Variants in SCN8A observed in about 807,000 individuals in gnomAD.
SCN8A encodes sodium voltage-gated channel alpha subunit 8.
In SCN8A, 30 loss-of-function variants were observed where a neutral mutation model predicts 184.1. The ratio of observed to expected loss-of-function variants is 0.16; its 90% CI spans 0.12 to 0.22. The LOEUF is 0.22. Among genes scored for constraint, SCN8A ranks in the 10% least tolerant of loss-of-function variants. The probability of loss-of-function intolerance (pLI) is 1.00; values close to 1 mark genes in which losing one functional copy is unlikely to be tolerated. For synonymous variants in SCN8A, 852 were observed against 907.0 expected (o/e 0.94, Z 1.09); for missense variants, 1,057 against 2,498.9 (o/e 0.42, Z 12.30).
intron 12 of SCN8A, among the ~76,000 whole-genome samples, chr12:51,726,096 A>G (rs1488673423): frequency 1.3e-5 from 2 of 152,240 alleles, no homozygotes; most frequent in East Asian, 1.9e-4. Context: ...CATTAGTCTC[A>G]TCAAAAATTA....
chr12:51,664,922 C>T (rs770079491), intron 2 of SCN8A, among the ~76,000 whole-genome samples: 2 of 152,096 alleles, frequency 1.3e-5, no homozygotes, highest in Admixed American at 6.5e-5. Context: ...GTGTTGATCC[C>T]TCCCATGTGT....
At position 51,809,569 on chromosome 12, in the gene SCN8A, G is replaced by A. The variant is rs991191632; in HGVS notation, c.*2140G>A. On this transcript the variant is annotated 3_prime_UTR_variant, in exon 27 of 27. Coordinates refer to ENST00000627620, the MANE Select transcript of SCN8A (RefSeq NM_001330260.2). Reference sequence around the variant, plus strand: ...TGTACTACACCCAATACCAGACTGGGAAGGCCTATCTTTCAGTGACCCTGC... The same window carrying A: ...TGTACTACACCCAATACCAGACTGGAAAGGCCTATCTTTCAGTGACCCTGC... The A allele has an allele frequency of 4.6e-5, 7 of 152,234 alleles. No homozygotes were observed. Among genetic ancestry groups the A allele is most frequent in the Admixed American group, 2.6e-4 (4 of 15,290 alleles). 9.4% of individuals were successfully genotyped at this position (152,234 alleles called of 1,614,324 possible).
chr12:51,728,731 CAA>C (rs10560307), intron 12 of SCN8A, among the ~76,000 whole-genome samples: 15 of 140,506 alleles, frequency 1.1e-4, no homozygotes, highest in African/African-American at 3.7e-4. Context: ...CCCTGTTTCC[CAA>C]AAAAAAAAAA....
rs534195726 is a variant in SCN8A at position 51,680,833 on chromosome 12, C to T, written c.277-3341C>T. Among the ~76,000 whole-genome samples, 116 of 152,144 alleles carry T rather than the reference C, an allele frequency of 7.6e-4. 1 individual carries two copies. The highest frequency in any genetic ancestry group is 2.3e-3 in the South Asian group (11 of 4,812). Reference sequence around the variant, plus strand: ...CCTGGCCAACATGGTGAAACCCTGTCTCTACTAAAAATACAAAAAAATTAG... The same window carrying T: ...CCTGGCCAACATGGTGAAACCCTGTTTCTACTAAAAATACAAAAAAATTAG... On this transcript the variant is annotated intron_variant, in intron 2 of 26. Coordinates refer to ENST00000627620, the MANE Select transcript of SCN8A (RefSeq NM_001330260.2).
chr12:51,614,220 A>G (rs1482493730), intron 1 of SCN8A, among the ~76,000 whole-genome samples: 1 of 151,972 alleles, frequency 6.6e-6, no homozygotes, highest in African/African-American at 2.4e-5. Flanking sequence ...TGTCCATTTT[A>G]TCCTTAGTTT....
At chr12:51,653,463 A>AT (rs1379286428) in intron 1 of SCN8A, among the ~76,000 whole-genome samples, 2 of 152,040 alleles carry the variant, frequency 1.3e-5, no homozygotes, top group Admixed American at 1.3e-4. Flanking sequence ...TTCACCTAGC[A>AT]TTTTTTCAAG....
intron 11 of SCN8A, among the ~76,000 whole-genome samples, chr12:51,710,422 T>A (rs1941855075): frequency 6.6e-6 from 1 of 152,188 alleles, no homozygotes; most frequent in Non-Finnish European, 1.5e-5. Flanking sequence ...CCCAGCACTT[T>A]GGGAGGCCAA....
chr12:51,629,571 C>T (rs1231200522), intron 1 of SCN8A, among the ~76,000 whole-genome samples: 2 of 107,148 alleles, frequency 1.9e-5, no homozygotes, highest in East Asian at 2.8e-4. Context: ...GTGAATTCTG[C>T]ATCAGTTTTG....
intron 7 of SCN8A, among the ~76,000 whole-genome samples, chr12:51,700,386 A>G (rs757172791): frequency 3.3e-5 from 5 of 152,066 alleles, no homozygotes; most frequent in Non-Finnish European, 5.9e-5. Flanking sequence ...TTTTTTCCCT[A>G]GCTGAGTTAC....
chr12:51,753,882 G>A lies in SCN8A; in HGVS notation c.2370+2289G>A, dbSNP rs9971680. ...AGGCTTTGACTGAACCTGAGAATAAGAGGATGGAAAAAAAATGAGACTGAC... is the reference window on the plus strand; with the variant it reads ...AGGCTTTGACTGAACCTGAGAATAAAAGGATGGAAAAAAAATGAGACTGAC... On this transcript the variant is annotated intron_variant, in intron 14 of 26. Transcript: ENST00000627620. 6.4e-3 allele frequency among the ~76,000 whole-genome samples: 970 copies of A among 152,276 alleles called. 10 individuals are homozygous for A. The highest frequency in any genetic ancestry group is 0.031 in the Middle Eastern group (9 of 294).
chr12:51,762,393 A>T, intron 14 of SCN8A, 110 bp from the exon 15 acceptor site: 1 of 1,024,804 alleles, frequency 9.8e-7, no homozygotes, highest in Non-Finnish European at 1.4e-6. Context: ...TGCAGAATTT[A>T]ACTAAGGTTA....
intron 2 of SCN8A, among the ~76,000 whole-genome samples, chr12:51,666,413 T>C (rs1414737517): frequency 2.0e-5 from 3 of 152,198 alleles, no homozygotes; most frequent in Non-Finnish European, 4.4e-5. Context: ...CTTAACCCCT[T>C]CACTTCTTGC....
chr12:51,650,143 C>A (rs1270231793), intron 1 of SCN8A, among the ~76,000 whole-genome samples: 2 of 152,188 alleles, frequency 1.3e-5, no homozygotes, highest in Non-Finnish European at 2.9e-5. Flanking sequence ...CAACAAGTTC[C>A]TCATCTCTGT....
In SCN8A at chr12:51,808,436, G is replaced by C. The variant is rs1938785020; in HGVS notation, c.*1007G>C. The stretch of plus-strand genomic sequence containing the variant: ...AAGATGAACTATTTAATGCTGCTCT[G>C]TGTCCAGTACATGGGGGAGACTTTG... On this transcript the variant is annotated 3_prime_UTR_variant, in exon 27 of 27. Coordinates refer to ENST00000627620, the MANE Select transcript of SCN8A (RefSeq NM_001330260.2). 6.6e-6 allele frequency: 1 copy of C among 152,554 alleles called. No homozygotes were observed. The highest frequency in any genetic ancestry group is 6.5e-5 in the Admixed American group (1 of 15,276). 9.5% of individuals were successfully genotyped at this position (152,554 alleles called of 1,614,324 possible).
intron 1 of SCN8A, among the ~76,000 whole-genome samples, chr12:51,621,883 G>A (rs1351767014): frequency 6.6e-6 from 1 of 152,190 alleles, no homozygotes; most frequent in Admixed American, 6.5e-5. Context: ...GTGTACGCCT[G>A]TGTTTTCAGG....
chr12:51,674,456 C>T lies in SCN8A; in HGVS notation c.277-9718C>T, dbSNP rs1941187396. On this transcript the variant is annotated intron_variant, in intron 2 of 26. Transcript: ENST00000627620. Reference sequence around the variant, plus strand: ...CAAATGATTCTCCTGCCTCAGCCTCCCTAGTAGCTGGGATTACAGGTGCAC... The same window carrying T: ...CAAATGATTCTCCTGCCTCAGCCTCTCTAGTAGCTGGGATTACAGGTGCAC... Among the ~76,000 whole-genome samples, 4 of 152,270 alleles carry T rather than the reference C, an allele frequency of 2.6e-5. No homozygotes were observed. The South Asian group carries it at 8.3e-4, about 32-fold the overall frequency.
chr12:51,787,149 C>A (rs905331815), intron 22 of SCN8A, among the ~76,000 whole-genome samples: 4 of 151,220 alleles, frequency 2.6e-5, no homozygotes, highest in Admixed American at 1.3e-4. Context: ...CAGTTAAGGG[C>A]AAAAAAAATC....
chr12:51,700,771 CT>C (rs1304309825), intron 7 of SCN8A, among the ~76,000 whole-genome samples: 3 of 152,048 alleles, frequency 2.0e-5, no homozygotes, highest in Non-Finnish European at 4.4e-5. Context: ...TCTAAAATAT[CT>C]TTGATAAAGA....
intron 1 of SCN8A, among the ~76,000 whole-genome samples, chr12:51,622,931 T>C (rs1939995222): frequency 6.6e-6 from 1 of 152,232 alleles, no homozygotes; most frequent in Non-Finnish European, 1.5e-5. Context: ...GTATTTATTT[T>C]ATACCTTGGG....
Sources: allele counts gnomAD v4.1 joint callset (sites outside exome capture counted in the v4.1 genomes callset), GRCh38; gene constraint gnomAD v4.1.1; transcripts MANE v1.5; gene names NCBI Gene and HGNC (gene_info 2026-07-23, HGNC 2026-07-21).